Variants in STPG2 observed in about 807,000 individuals in gnomAD.
The protein encoded by STPG2 is sperm-tail PG-rich repeat-containing protein 2.
In STPG2, 56 loss-of-function variants were observed where a neutral mutation model predicts 54.2. The ratio of observed to expected loss-of-function variants is 1.03; its 90% CI spans 0.83 to 1.29. The LOEUF (loss-of-function observed/expected upper bound fraction) is 1.29, where lower values mean the gene tolerates loss of function less well. STPG2 is among the 50% of genes most tolerant of loss of function. The probability of loss-of-function intolerance (pLI) is 0.00; values close to 1 mark genes in which losing one functional copy is unlikely to be tolerated. For missense variants in STPG2, 596 were observed against 544.9 expected (o/e 1.09, Z -0.93); for synonymous variants, 200 against 181.8 (o/e 1.10, Z -0.81).
chr4:97,987,342 C>T (rs1313840148), intron 5 of STPG2, among the ~76,000 whole-genome samples: 4 of 152,104 alleles, frequency 2.6e-5, no homozygotes, highest in Admixed American at 2.6e-4. Context: ...AAGTATACAG[C>T]TAGCTTGTCT....
intron 9 of STPG2, among the ~76,000 whole-genome samples, chr4:97,783,482 G>A (rs1400149388): frequency 6.6e-6 from 1 of 152,208 alleles, no homozygotes; most frequent in Non-Finnish European, 1.5e-5. Flanking sequence ...TGGTGGCACT[G>A]TAAACTAGTT....
intron 10 of STPG2, among the ~76,000 whole-genome samples, chr4:97,669,022 G>T (rs565279373): frequency 6.6e-6 from 1 of 151,846 alleles, no homozygotes; most frequent in Non-Finnish European, 1.5e-5. Context: ...CAGAGGACAT[G>T]AACAATGATC....
intron 5 of STPG2, among the ~76,000 whole-genome samples, chr4:98,088,824 C>T (rs1738603001): frequency 6.6e-6 from 1 of 152,060 alleles, no homozygotes; most frequent in South Asian, 2.1e-4. Flanking sequence ...TCTTCTCTTC[C>T]ACCCATCCAT....
chr4:97,931,883 T>A (rs761632329), intron 8 of STPG2, among the ~76,000 whole-genome samples: 35 of 152,236 alleles, frequency 2.3e-4, no homozygotes, highest in Non-Finnish European at 1.2e-4. Flanking sequence ...GTCTTTTTTT[T>A]TAGTTGGTAG....
chr4:97,872,798 T>C (rs1730039578), intron 8 of STPG2, among the ~76,000 whole-genome samples: 1 of 151,286 alleles, frequency 6.6e-6, no homozygotes, highest in Non-Finnish European at 1.5e-5. Flanking sequence ...TATTACTTAA[T>C]TTTGATGCTC....
intron 10 of STPG2, among the ~76,000 whole-genome samples, chr4:97,659,334 G>C (rs1722306602): frequency 6.6e-6 from 1 of 152,112 alleles, no homozygotes. Context: ...GCATATTCAG[G>C]CTCTAGACTA....
intron 4 of STPG2, among the ~76,000 whole-genome samples, chr4:97,472,821 GT>G (rs1729970411): frequency 6.6e-6 from 1 of 152,172 alleles, no homozygotes; most frequent in Non-Finnish European, 1.5e-5. Flanking sequence ...AGGATCATTG[GT>G]TGTTGCGGGA....
At chr4:98,082,982 C>CTTAT (rs1738396707) in intron 5 of STPG2, among the ~76,000 whole-genome samples, 2 of 152,080 alleles carry the variant, frequency 1.3e-5, no homozygotes, top group Admixed American at 6.6e-5. Context: ...TTCTAGTGCC[C>CTTAT]TTATAGTATA....
intron 9 of STPG2, among the ~76,000 whole-genome samples, chr4:97,834,230 C>G (rs1210516237): frequency 6.6e-6 from 1 of 152,038 alleles, no homozygotes; most frequent in Admixed American, 6.6e-5. Flanking sequence ...AAGCTGGAAA[C>G]CATCATTCTC....
chr4:97,641,066 A>G (rs1026694209), intron 10 of STPG2, among the ~76,000 whole-genome samples: 1 of 151,668 alleles, frequency 6.6e-6, no homozygotes, highest in Admixed American at 6.6e-5. Context: ...TCTCTCTAAA[A>G]TTGGGGGAAA....
At chr4:97,588,304 C>T (rs1443026346) in intron 10 of STPG2, among the ~76,000 whole-genome samples, 1 of 151,630 alleles carries the variant, frequency 6.6e-6, no homozygotes, top group Non-Finnish European at 1.5e-5. Context: ...ACCATAAATG[C>T]AACTGAAAAA....
In STPG2 at chr4:97,675,749, T is replaced by C. The variant is rs180705447; in HGVS notation, c.1320+36950A>G. Among the ~76,000 whole-genome samples the C allele has an allele frequency of 9.2e-5, 14 of 151,760 alleles. 1 individual carries two copies. In the East Asian group the frequency reaches 2.5e-3, roughly 27 times the overall value. On this transcript the variant is annotated intron_variant, in intron 10 of 10. Transcript: ENST00000295268. ...TCCCTCCTGGGTTGACTTTGCACTA[T>C]AGTGGCCACAAACTTAAAGACAGCA...
At chr4:97,564,500 C>T (rs1045080228) in intron 10 of STPG2, among the ~76,000 whole-genome samples, 17 of 152,264 alleles carry the variant, frequency 1.1e-4, no homozygotes, top group African/African-American at 3.1e-4. Flanking sequence ...TTATTTTGCT[C>T]GTTAGTTGAT....
intron 8 of STPG2, among the ~76,000 whole-genome samples, chr4:97,890,776 C>T (rs1730738937): frequency 6.6e-6 from 1 of 151,794 alleles, no homozygotes; most frequent in South Asian, 2.1e-4. Context: ...ATAAAGGTAT[C>T]AAAATAGCAC....
chr4:98,110,061 T>A (rs1739301038), intron 3 of STPG2, among the ~76,000 whole-genome samples: 1 of 152,152 alleles, frequency 6.6e-6, no homozygotes, highest in Non-Finnish European at 1.5e-5. Context: ...TAAGAATATT[T>A]TAAAACATAT....
intron 5 of STPG2, among the ~76,000 whole-genome samples, chr4:98,010,368 TATA>T (rs1188042146): frequency 1.3e-5 from 2 of 152,166 alleles, no homozygotes; most frequent in African/African-American, 4.8e-5. Flanking sequence ...TTTATCATTA[TATA>T]ATGACCTTCT....
intron 5 of STPG2, 69 bp downstream of exon 5, chr4:98,105,884 C>A: frequency 2.3e-6 from 3 of 1,332,850 alleles, no homozygotes; most frequent in South Asian, 1.3e-5. Flanking sequence ...AGCACAGTAA[C>A]CTTGTGATAA....
intron 8 of STPG2, among the ~76,000 whole-genome samples, chr4:97,850,568 C>T (rs1034818650): frequency 6.6e-5 from 10 of 151,096 alleles, no homozygotes; most frequent in African/African-American, 1.5e-4. Flanking sequence ...TGTATATGCA[C>T]GTCATTATTT....
At chr4:97,702,192 C>A (rs1167961733) in intron 10 of STPG2, among the ~76,000 whole-genome samples, 1 of 152,174 alleles carries the variant, frequency 6.6e-6, no homozygotes, top group South Asian at 2.1e-4. Context: ...ATCTTTTAAT[C>A]CATATTTCAG....
Sources: allele counts gnomAD v4.1 joint callset (sites outside exome capture counted in the v4.1 genomes callset), GRCh38; gene constraint gnomAD v4.1.1; transcripts MANE v1.5; gene names NCBI Gene and HGNC (gene_info 2026-07-23, HGNC 2026-07-21).